The following ZNF536 variants were observed in gnomAD, a reference collection of about 807,000 sequenced individuals.
ZNF536 encodes zinc finger protein 536.
ZNF536 carries 13 observed loss-of-function variants against 84.5 expected under a neutral mutation model. The observed-to-expected ratio is 0.15, with a 90% CI of 0.10 to 0.24. The LOEUF (loss-of-function observed/expected upper bound fraction) is 0.24, where lower values mean the gene tolerates loss of function less well. ZNF536 is among the 10% of genes least tolerant of loss of function. The pLI is 1.00. For synonymous variants in ZNF536, 811 were observed against 742.5 expected (o/e 1.09, Z -1.50); for missense variants, 1,536 against 1,747.5 (o/e 0.88, Z 2.16).
chr19:30,692,668 G>T (rs974481865), intron 1 of ZNF536, among the ~76,000 whole-genome samples: 5 of 152,188 alleles, frequency 3.3e-5, no homozygotes, highest in Admixed American at 6.5e-5. Flanking sequence ...GTGCTTCGCA[G>T]CTGTTGCAAC....
At chr19:30,594,755 G>A (rs991564660) in intron 1 of ZNF536, among the ~76,000 whole-genome samples, 7 of 152,084 alleles carry the variant, frequency 4.6e-5, no homozygotes, top group African/African-American at 9.6e-5. Context: ...TTTCCCCTGC[G>A]AGAAGCCGCT....
intron 1 of ZNF536, among the ~76,000 whole-genome samples, chr19:30,270,528 A>C (rs2025770076): frequency 6.6e-6 from 1 of 152,250 alleles, no homozygotes; most frequent in African/African-American, 2.4e-5. Context: ...AGTAAAATGT[A>C]GCTCAAGGAG....
intron 2 of ZNF536, among the ~76,000 whole-genome samples, chr19:30,447,759 A>G (rs1313761248): frequency 6.6e-6 from 1 of 152,164 alleles, no homozygotes; most frequent in Non-Finnish European, 1.5e-5. Context: ...CTGATTCTGG[A>G]TTAGGACCTT....
intron 1 of ZNF536, among the ~76,000 whole-genome samples, chr19:30,644,724 C>G (rs542440866): frequency 1.1e-4 from 17 of 152,214 alleles, no homozygotes; most frequent in Non-Finnish European, 1.9e-4. Context: ...GCACAGTATT[C>G]TATGGTGTAT....
chr19:30,401,649 A>T (rs2050051755), intron 1 of ZNF536, among the ~76,000 whole-genome samples: 2 of 152,286 alleles, frequency 1.3e-5, no homozygotes, highest in Admixed American at 1.3e-4. Flanking sequence ...GTAAGTAAAC[A>T]GAATTATCAT....
chr19:30,653,568 A>G (rs1420578550), intron 1 of ZNF536, among the ~76,000 whole-genome samples: 7 of 152,188 alleles, frequency 4.6e-5, no homozygotes, highest in Admixed American at 3.3e-4. Flanking sequence ...CTCTTGAAAA[A>G]CTAGAATGTC....
intron 3 of ZNF536, among the ~76,000 whole-genome samples, chr19:30,539,118 AC>A (rs199778964): frequency 3.2e-4 from 47 of 148,796 alleles, no homozygotes; most frequent in Non-Finnish European, 2.2e-4. Flanking sequence ...GGAGATATGC[AC>A]CCCCCCCACA....
intron 1 of ZNF536, among the ~76,000 whole-genome samples, chr19:30,666,857 T>G (rs960875557): frequency 6.6e-6 from 1 of 151,878 alleles, no homozygotes; most frequent in Non-Finnish European, 1.5e-5. Context: ...TATGTATGTA[T>G]GTATGTATGC....
At chr19:30,686,275 CT>C (rs57101320) in intron 1 of ZNF536, among the ~76,000 whole-genome samples, 10,952 of 150,446 alleles carry the variant, frequency 0.073, 564 homozygotes, top group South Asian at 0.14. Context: ...CACACACACA[CT>C]TTTTTTTTTC....
At chr19:30,400,064 C>CT (rs1390273118) in intron 1 of ZNF536, among the ~76,000 whole-genome samples, 2 of 151,968 alleles carry the variant, frequency 1.3e-5, no homozygotes, top group Non-Finnish European at 2.9e-5. Context: ...GAATTCATTC[C>CT]TTTATATTTC....
intron 1 of ZNF536, among the ~76,000 whole-genome samples, chr19:30,273,442 T>C (rs189123393): frequency 1.3e-5 from 2 of 152,324 alleles, no homozygotes; most frequent in African/African-American, 4.8e-5. Context: ...GATAGGGGTG[T>C]AGTGGTATTT....
chr19:30,664,015 T>A (rs777000576), intron 1 of ZNF536, among the ~76,000 whole-genome samples: 2 of 152,222 alleles, frequency 1.3e-5, no homozygotes, highest in African/African-American at 4.8e-5. Context: ...TAATCTGTGA[T>A]AAAACTGCTT....
intron 1 of ZNF536, among the ~76,000 whole-genome samples, chr19:30,606,266 TA>T (rs796695393): frequency 0.43 from 20,227 of 46,968 alleles, 3,554 homozygotes; most frequent in East Asian, 0.53. Context: ...TAAAATAAAA[TA>T]AAATAAAATA....
At chr19:30,481,245 T>C (rs1222054361) in intron 2 of ZNF536, among the ~76,000 whole-genome samples, 2 of 152,210 alleles carry the variant, frequency 1.3e-5, no homozygotes, top group Non-Finnish European at 2.9e-5. Context: ...TATGTGCATG[T>C]GTGTGTATAC....
intron 1 of ZNF536, among the ~76,000 whole-genome samples, chr19:30,408,399 TC>T (rs2050351572): frequency 1.3e-5 from 2 of 152,268 alleles, no homozygotes; most frequent in Admixed American, 1.3e-4. Flanking sequence ...CAGCCTCCCC[TC>T]CCCATCACCA....
At chr19:30,389,863 C>A (rs930440267) in intron 1 of ZNF536, among the ~76,000 whole-genome samples, 2 of 152,212 alleles carry the variant, frequency 1.3e-5, no homozygotes, top group African/African-American at 2.4e-5. Flanking sequence ...GGCGCAGTGA[C>A]ATTTTCCAAC....
intron 2 of ZNF536, among the ~76,000 whole-genome samples, chr19:30,472,296 C>T (rs1389591687): frequency 6.6e-6 from 1 of 152,144 alleles, no homozygotes; most frequent in Non-Finnish European, 1.5e-5. Context: ...TTTGACATTG[C>T]ATTCCAGGAG....
At chr19:30,672,662 C>A (rs572570339) in intron 1 of ZNF536, among the ~76,000 whole-genome samples, 1 of 152,308 alleles carries the variant, frequency 6.6e-6, no homozygotes, top group East Asian at 1.9e-4. Context: ...ACAAACACAT[C>A]AAATTCTCTG....
chr19:30,701,688 C>T (rs746688322), intron 1 of ZNF536, among the ~76,000 whole-genome samples: 2 of 152,198 alleles, frequency 1.3e-5, no homozygotes, highest in African/African-American at 2.4e-5. Context: ...CAGTCCATGG[C>T]AGGAGCAGGT....
Sources: gnomAD v4.1 joint callset for allele counts (sites outside exome capture counted in the v4.1 genomes callset) on GRCh38, gnomAD v4.1.1 for gene constraint, MANE v1.5 for transcripts, NCBI Gene and HGNC (gene_info 2026-07-23, HGNC 2026-07-21) for gene names.